Variants in DCDC2C observed in about 807,000 individuals in gnomAD.
The protein encoded by DCDC2C is doublecortin domain-containing protein 2C.
In DCDC2C, 44 loss-of-function variants were observed where a neutral mutation model predicts 45.0. That is an observed-to-expected ratio of 0.98 (90% CI 0.77 to 1.26). DCDC2C has a LOEUF of 1.26. DCDC2C is among the 50% of genes most tolerant of loss of function. The pLI is 0.00. For missense variants in DCDC2C, 447 were observed against 468.9 expected (o/e 0.95, Z 0.43); for synonymous variants, 187 against 178.8 (o/e 1.05, Z -0.37).
chr2:3,825,835 T>C (rs942131572), intron 10 of DCDC2C, among the ~76,000 whole-genome samples: 13 of 152,196 alleles, frequency 8.5e-5, no homozygotes, highest in African/African-American at 3.1e-4. Flanking sequence ...TCTCGTGTCT[T>C]GGCAAATCAT....
In DCDC2C at chr2:3,829,289, T is replaced by TC. The variant is rs1205236738; in HGVS notation, c.1066-17865_1066-17864insC. On this transcript the variant is annotated intron_variant, in intron 10 of 10. Transcript: ENST00000399143. ...GCTTCATTAGATGTCTTTTTCTTTT[T>TC]TTTTTTTTTTTGCATTGATTTTAGT... 2.0e-5 allele frequency among the ~76,000 whole-genome samples: 3 copies of TC among 151,484 alleles called. No individual in the cohort carries two copies. In the East Asian group the frequency reaches 5.8e-4, roughly 29 times the overall value.
Position 3,813,069 on chromosome 2 carries a change from T to A in DCDC2C, c.1065+27969T>A, listed in dbSNP as rs77265077. Among the ~76,000 whole-genome samples the A allele has an allele frequency of 8.4e-3, 460 of 54,686 alleles. 2 individuals carry two copies. Among genetic ancestry groups the A allele is most frequent in the South Asian group, 0.03 (55 of 1,808 alleles). 35.9% of individuals were successfully genotyped at this position (54,686 alleles called of 152,430 possible). ...TATATATATATATATATATATATAT[T>A]TTTTTTTTTTTGCTGTTTTTGAGAT... is the stretch of plus-strand genomic sequence containing the variant. On this transcript the variant is annotated intron_variant, in intron 10 of 10. Transcript: ENST00000399143.
In DCDC2C at chr2:3,703,779, G is replaced by C. The variant is rs1572541164; in HGVS notation, c.28G>C (p.Val10Leu). The change falls in exon 1 of 11, where the codon GTG becomes CTG. Residue 10 changes from valine to leucine, a missense_variant. By Grantham distance (32) the Val-to-Leu change is conservative. Coordinates refer to ENST00000399143, the MANE Select transcript of DCDC2C (RefSeq NM_001287444.2). The surrounding 1 kb of genome is among the most constrained non-coding windows in gnomAD (Gnocchi z 4.4). The part of the protein sequence containing the change: MGTRGPSAP[V>L]DTTPAKTIVV... ...GGGAACCCGCGGGCCCTCCGCGCCG[G>C]TGGACACCACGCCCGCCAAGACCAT... 8.1e-7 allele frequency: 1 copy of C among 1,237,000 alleles called. No homozygotes were observed. The highest frequency in any genetic ancestry group is 1.0e-6 in the Non-Finnish European group (1 of 988,832). 76.6% of individuals were successfully genotyped at this position (1,237,000 alleles called of 1,614,324 possible). A position where few individuals can be genotyped will look rare whatever the true frequency, so the allele number is the denominator to read the frequency against.
chr2:3,833,056 T>C (rs1015596429), intron 10 of DCDC2C, among the ~76,000 whole-genome samples: 3 of 152,236 alleles, frequency 2.0e-5, no homozygotes, highest in African/African-American at 7.2e-5. Flanking sequence ...CCAGCCTCTG[T>C]AGGCCATCCA....
chr2:3,801,103 G>A (rs1470011997), intron 10 of DCDC2C, among the ~76,000 whole-genome samples: 1 of 152,218 alleles, frequency 6.6e-6, no homozygotes, highest in Non-Finnish European at 1.5e-5. Flanking sequence ...TGCATGAGAT[G>A]AGGATGGTGG....
intron 2 of DCDC2C, among the ~76,000 whole-genome samples, chr2:3,717,662 C>G (rs1276349088): frequency 6.6e-6 from 1 of 152,210 alleles, no homozygotes; most frequent in Non-Finnish European, 1.5e-5. Flanking sequence ...AGTCACTCCT[C>G]TTGGCTCCAG....
Position 3,761,303 on chromosome 2 carries a change from TCTG to T in DCDC2C, c.727-6450_727-6448del, listed in dbSNP as rs1355261420. On this transcript the variant is annotated intron_variant, in intron 6 of 10. Coordinates refer to ENST00000399143, the MANE Select transcript of DCDC2C (RefSeq NM_001287444.2). The surrounding 1 kb of genome is among the most constrained non-coding windows in gnomAD (Gnocchi z 4.3). ...AATCAGAACATTAATATTAAATTCTTCTGGGCATAGAGCACAAGTGTTCGTAGT... is the reference window on the plus strand; with the variant it reads ...AATCAGAACATTAATATTAAATTCTTGGCATAGAGCACAAGTGTTCGTAGT... 6.6e-6 allele frequency among the ~76,000 whole-genome samples: 1 copy of T among 152,234 alleles called. No individual in the cohort carries two copies. Among genetic ancestry groups the T allele is most frequent in the Non-Finnish European group, 1.5e-5 (1 of 68,054 alleles).
chr2:3,782,724 C>T (rs1221720412), intron 9 of DCDC2C, among the ~76,000 whole-genome samples: 1 of 152,144 alleles, frequency 6.6e-6, no homozygotes, highest in Non-Finnish European at 1.5e-5. Context: ...CATGATCCAC[C>T]CACGTTGGCC....
chr2:3,807,453 A>G (rs993384568), intron 10 of DCDC2C, among the ~76,000 whole-genome samples: 5 of 152,142 alleles, frequency 3.3e-5, no homozygotes, highest in South Asian at 2.1e-4. Context: ...AAGGGCCTTC[A>G]TGGGTGCTTT....
rs1572601653 is a variant in DCDC2C, at chr2:3,769,089, G to A, written c.854-222G>A. The A allele has an allele frequency of 6.0e-6, 3 of 500,492 alleles. No individual in the cohort carries two copies. In the East Asian group the frequency reaches 9.9e-5, roughly 16 times the overall value. 31.0% of individuals were successfully genotyped at this position (500,492 alleles called of 1,614,324 possible). A position where few individuals can be genotyped will look rare whatever the true frequency, so the allele number is the denominator to read the frequency against. On this transcript the variant is annotated intron_variant, in intron 7 of 10. Transcript: ENST00000399143. ...TGAAGACAGAGACAAAAGCAGACGGGGCTAAAATCGAGGCCACCACGCTGA... is the reference window on the plus strand; with the variant it reads ...TGAAGACAGAGACAAAAGCAGACGGAGCTAAAATCGAGGCCACCACGCTGA...
At position 3,745,072 on chromosome 2, in the gene DCDC2C, A is replaced by G. The variant is rs932560200; in HGVS notation, c.545+3024A>G. Reference sequence around the variant, plus strand: ...GCAATCTCGGCTCACTGCAACCTCCACCTCCCAGGTTCAAGTGATTTTCAT... The same window carrying G: ...GCAATCTCGGCTCACTGCAACCTCCGCCTCCCAGGTTCAAGTGATTTTCAT... On this transcript the variant is annotated intron_variant, in intron 4 of 10. Coordinates refer to ENST00000399143, the MANE Select transcript of DCDC2C (RefSeq NM_001287444.2). Among the ~76,000 whole-genome samples, 26 of 152,040 alleles carry G rather than the reference A, an allele frequency of 1.7e-4. No homozygotes were observed. In the South Asian group the frequency reaches 4.4e-3, roughly 26 times the overall value.
Position 3,818,802 on chromosome 2 carries a change from GA to G in DCDC2C, c.1066-28348del, listed in dbSNP as rs1476247898. Among the ~76,000 whole-genome samples, 2 of 152,096 alleles carry G rather than the reference GA, an allele frequency of 1.3e-5. No individual in the cohort carries two copies. The highest frequency in any genetic ancestry group is 2.4e-5 in the African/African-American group (1 of 41,398). On this transcript the variant is annotated intron_variant, in intron 10 of 10. Coordinates refer to ENST00000399143, the MANE Select transcript of DCDC2C (RefSeq NM_001287444.2). The surrounding 1 kb of genome is among the most constrained non-coding windows in gnomAD (Gnocchi z 4.7). The stretch of plus-strand genomic sequence containing the variant: ...AATGTGAAGGAGGCTTTGAACTGGG[GA>G]AAAGGGTGGCAATGAGGTGTGGCTG...
intron 1 of DCDC2C, among the ~76,000 whole-genome samples, chr2:3,708,184 G>T (rs765220568): frequency 1.3e-5 from 2 of 152,152 alleles, no homozygotes; most frequent in African/African-American, 2.4e-5. Context: ...TCCGACCTTA[G>T]CCTGTCATGG....
chr2:3,709,570 C>T (rs1668155296), intron 2 of DCDC2C, among the ~76,000 whole-genome samples: 1 of 152,228 alleles, frequency 6.6e-6, no homozygotes, highest in Non-Finnish European at 1.5e-5. Flanking sequence ...TAAATTGTAA[C>T]TTGCCAAGGA....
intron 6 of DCDC2C, among the ~76,000 whole-genome samples, chr2:3,755,472 C>T (rs201840098): frequency 6.6e-6 from 1 of 152,056 alleles, no homozygotes; most frequent in East Asian, 1.9e-4. Context: ...TGTATGGAGA[C>T]ATGTGTGCAT....
At chr2:3,777,570 G>C (rs1391404538) in intron 8 of DCDC2C, among the ~76,000 whole-genome samples, 3 of 152,198 alleles carry the variant, frequency 2.0e-5, no homozygotes, top group Non-Finnish European at 4.4e-5. Context: ...TTAAAATAAT[G>C]TGTTTTTACA....
At chr2:3,750,086 C>G (rs917051336) in intron 4 of DCDC2C, among the ~76,000 whole-genome samples, 14 of 151,564 alleles carry the variant, frequency 9.2e-5, no homozygotes, top group African/African-American at 2.7e-4. Context: ...CACCCAGAAT[C>G]CCCGGATCCA....
At chr2:3,737,275 T>C (rs1669057815) in intron 3 of DCDC2C, among the ~76,000 whole-genome samples, 1 of 152,200 alleles carries the variant, frequency 6.6e-6, no homozygotes, top group Admixed American at 6.5e-5. Context: ...GGAGAACTTT[T>C]CAGTTCAACT....
At chr2:3,823,272 A>G (rs1309289963) in intron 10 of DCDC2C, among the ~76,000 whole-genome samples, 18 of 151,706 alleles carry the variant, frequency 1.2e-4, no homozygotes, top group Non-Finnish European at 2.7e-4. Flanking sequence ...AGATTTTCAC[A>G]TATTTGTAAG....
Sources: gnomAD v4.1 joint callset for allele counts (sites outside exome capture counted in the v4.1 genomes callset) on GRCh38, gnomAD v4.1.1 for gene constraint, Gnocchi (gnomAD v3.1) non-coding constraint, MANE v1.5 for transcripts, NCBI Gene and HGNC (gene_info 2026-07-23, HGNC 2026-07-21) for gene names.